Variants in THRB observed in about 807,000 individuals in gnomAD.
The protein encoded by THRB is nuclear receptor subfamily 1 group A member 2.
In THRB, 12 loss-of-function variants were observed where a neutral mutation model predicts 47.8. That is an observed-to-expected ratio of 0.25 (90% CI 0.16 to 0.41). THRB has a LOEUF of 0.41. Among genes scored for constraint, THRB ranks in the 10% least tolerant of loss-of-function variants. The pLI is 1.00. For synonymous variants in THRB, 218 were observed against 212.2 expected (o/e 1.03, Z -0.24); for missense variants, 348 against 589.2 (o/e 0.59, Z 4.24).
chr3:24,148,218 C>T (rs2036385737), intron 6 of THRB, among the ~76,000 whole-genome samples: 1 of 152,196 alleles, frequency 6.6e-6, no homozygotes, highest in South Asian at 2.1e-4. Flanking sequence ...CCTCCACCTC[C>T]AGGGTGCAAG....
chr3:24,381,554 A>C (rs2065713940), intron 1 of THRB, among the ~76,000 whole-genome samples: 1 of 152,190 alleles, frequency 6.6e-6, no homozygotes, highest in Admixed American at 6.5e-5. Flanking sequence ...TACTGTCTTT[A>C]TCAAAAGCAA....
chr3:24,269,395 GCGCGCGCGCACACACACACACA>G (rs1559783673), intron 3 of THRB, among the ~76,000 whole-genome samples: 1 of 97,776 alleles, frequency 1.0e-5, no homozygotes, highest in African/African-American at 4.6e-5. Context: ...ACACGCGCGC[GCGCGCGCGCACACACACACACA>G]CACACACACA....
chr3:24,306,812 G>C (rs2149154054), intron 2 of THRB, among the ~76,000 whole-genome samples: 1 of 152,294 alleles, frequency 6.6e-6, no homozygotes, highest in Non-Finnish European at 1.5e-5. Context: ...CTTCTCAAGA[G>C]AGCTAAAATC....
intron 3 of THRB, among the ~76,000 whole-genome samples, chr3:24,251,598 G>A (rs1438014911): frequency 6.6e-6 from 1 of 152,008 alleles, no homozygotes; most frequent in Non-Finnish European, 1.5e-5. Context: ...TGAATTGTTT[G>A]ATTTTCTTAA....
At chr3:24,384,535 C>T (rs2065944439) in intron 1 of THRB, among the ~76,000 whole-genome samples, 2 of 152,072 alleles carry the variant, frequency 1.3e-5, no homozygotes, top group Admixed American at 1.3e-4. Context: ...GTGTGAAAAT[C>T]TATGACCACC....
intron 3 of THRB, among the ~76,000 whole-genome samples, chr3:24,285,326 A>G (rs2055151797): frequency 1.3e-5 from 2 of 151,606 alleles, no homozygotes; most frequent in Non-Finnish European, 2.9e-5. Flanking sequence ...GTAAACTATC[A>G]CAAGAACAAA....
At chr3:24,130,678 C>T (rs1032065334) in intron 9 of THRB, among the ~76,000 whole-genome samples, 35 of 152,158 alleles carry the variant, frequency 2.3e-4, no homozygotes, top group African/African-American at 6.5e-4. Context: ...ACAAGCCCTT[C>T]GGTGCAGATG....
chr3:24,495,407 T>TGCCGAC (rs1698878663), upstream of THRB: 2 of 153,174 alleles, frequency 1.3e-5, no homozygotes, highest in South Asian at 3.6e-4. Flanking sequence ...GCGCCCGGCT[T>TGCCGAC]GCCGACCCCG....
Position 24,190,128 on chromosome 3 carries a change from C to G in THRB, c.229G>C (p.Asp77His). 1 of 1,614,004 alleles carries G rather than the reference C, an allele frequency of 6.2e-7. No homozygotes were observed. Among genetic ancestry groups the G allele is most frequent in the Non-Finnish European group, 8.5e-7 (1 of 1,179,948 alleles). Residue 77 changes from aspartate (D) to histidine (H), a missense_variant, in exon 5 of 11, where the codon GAC becomes CAC. Asp to His is a moderately conservative substitution (Grantham distance 81). Coordinates refer to ENST00000646209, the MANE Select transcript of THRB (RefSeq NM_001354712.2). ...IFHLDHDDVN[D>H]QSVSSAQTFQ... ...GTCTGGGCACTTGAGACACTCTGGT[C>G]GTTCACATCATCATGGTCCAGATGG...
At chr3:24,203,135 G>A (rs891808861) in intron 4 of THRB, among the ~76,000 whole-genome samples, 82 of 152,294 alleles carry the variant, frequency 5.4e-4, no homozygotes, top group African/African-American at 1.8e-3. Flanking sequence ...AAGCCCAGCC[G>A]GGCGCAGTGG....
intron 1 of THRB, among the ~76,000 whole-genome samples, chr3:24,343,382 T>C (rs999070711): frequency 2.0e-5 from 3 of 151,810 alleles, no homozygotes; most frequent in Non-Finnish European, 4.4e-5. Context: ...ACAGTGGCAA[T>C]GGAAATAAAA....
chr3:24,174,548 C>T (rs1344620462), intron 5 of THRB, among the ~76,000 whole-genome samples: 1 of 152,168 alleles, frequency 6.6e-6, no homozygotes, highest in African/African-American at 2.4e-5. Flanking sequence ...CAACCCCAAT[C>T]CTAGCTTGCA....
intron 5 of THRB, among the ~76,000 whole-genome samples, chr3:24,159,259 C>T (rs139228176): frequency 5.9e-4 from 90 of 152,264 alleles, no homozygotes; most frequent in Non-Finnish European, 1.0e-3. Context: ...ATCAGAACAC[C>T]GTCACTGTCG....
At chr3:24,231,483 A>G (rs1209686856) in intron 3 of THRB, among the ~76,000 whole-genome samples, 1 of 152,152 alleles carries the variant, frequency 6.6e-6, no homozygotes, top group Non-Finnish European at 1.5e-5. Context: ...TCCTTCAACT[A>G]TAGTACAATT....
chr3:24,325,987 T>C (rs928120632), intron 2 of THRB, among the ~76,000 whole-genome samples: 29 of 152,154 alleles, frequency 1.9e-4, no homozygotes, highest in Non-Finnish European at 4.0e-4. Flanking sequence ...TCCTCTTTAA[T>C]TAAAGTCAAA....
chr3:24,295,632 C>T (rs1376554293), intron 3 of THRB, among the ~76,000 whole-genome samples: 1 of 152,196 alleles, frequency 6.6e-6, no homozygotes, highest in Non-Finnish European at 1.5e-5. Context: ...CTACTCTGCA[C>T]TTTTGAATTC....
rs968857931 is a variant in THRB at position 24,152,581 on chromosome 3, T to C, written c.284-91A>G. The C allele has an allele frequency of 2.4e-5, 18 of 760,380 alleles. No individual in the cohort carries two copies. The African/African-American group carries it at 2.6e-4, about 11-fold the overall frequency. The allele number at this position is 760,380 out of a possible 1,614,324, so 47.1% of individuals were successfully genotyped here. On this transcript the variant is annotated intron_variant, in intron 5 of 10. Coordinates refer to ENST00000646209, the MANE Select transcript of THRB (RefSeq NM_001354712.2). ...TAAGGTTGCTAGGCCAGAGACAAAATTGGCTTGCCAGGAAGAGGTAACAAC... is the reference window on the plus strand; with the variant it reads ...TAAGGTTGCTAGGCCAGAGACAAAACTGGCTTGCCAGGAAGAGGTAACAAC...
intron 4 of THRB, among the ~76,000 whole-genome samples, chr3:24,214,009 T>C (rs968305380): frequency 6.6e-6 from 1 of 152,232 alleles, no homozygotes; most frequent in Non-Finnish European, 1.5e-5. Context: ...CTAGACATGA[T>C]GCTATGCACA....
At chr3:24,291,585 G>A (rs1308521047) in intron 3 of THRB, among the ~76,000 whole-genome samples, 1 of 152,190 alleles carries the variant, frequency 6.6e-6, no homozygotes, top group Non-Finnish European at 1.5e-5. Flanking sequence ...TAAATGCTAT[G>A]TAAAGAGTTG....
Sources: gnomAD v4.1 joint callset for allele counts (sites outside exome capture counted in the v4.1 genomes callset) on GRCh38, gnomAD v4.1.1 for gene constraint, MANE v1.5 for transcripts, NCBI Gene and HGNC (gene_info 2026-07-23, HGNC 2026-07-21) for gene names.